The following CCR6 variants were observed in gnomAD, a reference collection of about 807,000 sequenced individuals.
CCR6 encodes C-C chemokine receptor type 6.
In CCR6, 2 loss-of-function variants were observed where a neutral mutation model predicts 3.0. That is an observed-to-expected ratio of 0.66 (90% CI 0.27 to 2.07). The LOEUF (loss-of-function observed/expected upper bound fraction) is 2.07, where lower values mean the gene tolerates loss of function less well. Ranked by LOEUF, CCR6 falls within the 30% of genes most tolerant of loss-of-function variation. The probability of loss-of-function intolerance (pLI) is 0.14; values close to 1 mark genes in which losing one functional copy is unlikely to be tolerated. For missense variants in CCR6, 322 were observed against 462.8 expected, an observed-to-expected ratio of 0.70 and a Z score of 2.79; for synonymous variants, 193 against 184.3, an observed-to-expected ratio of 1.05 and a Z score of -0.38.
chr6:167,129,519 G>C (rs1337310685), intron 1 of CCR6: 3 of 152,004 alleles, frequency 2.0e-5, no homozygotes, highest in Non-Finnish European at 4.4e-5. Flanking sequence ...CCTTACACCA[G>C]CTCTATGCTC....
At chr6:167,125,033 A>G (rs1781649746) in intron 1 of CCR6, among the ~76,000 whole-genome samples, 1 of 152,070 alleles carries the variant, frequency 6.6e-6, no homozygotes, top group South Asian at 2.1e-4. Flanking sequence ...CATACATGAT[A>G]TAAACAGGTG....
chr6:167,130,129 A>G (rs915769753), intron 1 of CCR6, among the ~76,000 whole-genome samples: 2 of 151,782 alleles, frequency 1.3e-5, no homozygotes, highest in Non-Finnish European at 2.9e-5. Flanking sequence ...TAATGACATC[A>G]AAGTGAGATC....
rs1781871459 is a variant in CCR6, at chr6:167,137,727, T to C, written c.*372T>C. ...GTCTTTTGGTTACAGCACAAAATGA[T>C]GGCAGTGGTTTGAAAAACTAAAACA... On this transcript the variant is annotated 3_prime_UTR_variant, in exon 3 of 3. Transcript: ENST00000341935. The surrounding 1 kb of genome is among the most constrained non-coding windows in gnomAD (Gnocchi z 4.6). The C allele has an allele frequency of 6.0e-6, 1 of 167,084 alleles. No individual in the cohort carries two copies. Among genetic ancestry groups the C allele is most frequent in the Non-Finnish European group, 1.3e-5 (1 of 76,734 alleles). 10.4% of individuals were successfully genotyped at this position (167,084 alleles called of 1,614,324 possible). A position where few individuals can be genotyped will look rare whatever the true frequency, so the allele number is the denominator to read the frequency against.
chr6:167,129,145 C>T (rs574684414), intron 1 of CCR6, among the ~76,000 whole-genome samples: 153 of 152,334 alleles, frequency 1.0e-3, no homozygotes, highest in Non-Finnish European at 1.9e-3. Context: ...AGCCTGCCAG[C>T]AAAGTGGTGT....
chr6:167,133,930 G>T, intron 1 of CCR6, among the ~76,000 whole-genome samples: 1 of 29,048 alleles, frequency 3.4e-5, no homozygotes, highest in East Asian at 1.4e-3. Flanking sequence ...TGATATATGT[G>T]TGTATATATA....
intron 1 of CCR6, among the ~76,000 whole-genome samples, chr6:167,112,613 G>A (rs1781432444): frequency 6.6e-6 from 1 of 152,166 alleles, no homozygotes; most frequent in African/African-American, 2.4e-5. Flanking sequence ...CAGAATGGGG[G>A]GTGCTGGTGG....
At chr6:167,114,651 T>C (rs1781466805) in intron 1 of CCR6, among the ~76,000 whole-genome samples, 1 of 152,250 alleles carries the variant, frequency 6.6e-6, no homozygotes, top group Non-Finnish European at 1.5e-5. Flanking sequence ...CTGTGACGGC[T>C]GCTGTAACCA....
intron 1 of CCR6, among the ~76,000 whole-genome samples, chr6:167,117,574 G>A (rs1017524056): frequency 2.0e-5 from 3 of 151,516 alleles, no homozygotes; most frequent in Admixed American, 6.6e-5. Flanking sequence ...GCGCCACCAC[G>A]CCCGGCTAAT....
chr6:167,117,420 T>C (rs1430452229), intron 1 of CCR6, among the ~76,000 whole-genome samples: 9 of 140,626 alleles, frequency 6.4e-5, no homozygotes, highest in African/African-American at 7.9e-5. Flanking sequence ...TTTTTCTTTT[T>C]TTTTTTTTTT....
chr6:167,117,589 G>A (rs897246852), intron 1 of CCR6, among the ~76,000 whole-genome samples: 3 of 151,038 alleles, frequency 2.0e-5, no homozygotes, highest in South Asian at 2.1e-4. Flanking sequence ...GCTAATTTTT[G>A]TATTTTTAGT....
chr6:167,120,079 C>G (rs1446639960), upstream of CCR6, among the ~76,000 whole-genome samples: 1 of 152,162 alleles, frequency 6.6e-6, no homozygotes, highest in Non-Finnish European at 1.5e-5. Flanking sequence ...TATCTACCAC[C>G]TTGAGTCATG....
chr6:167,120,067 G>A (rs1781562936), upstream of CCR6, among the ~76,000 whole-genome samples: 2 of 152,192 alleles, frequency 1.3e-5, no homozygotes, highest in South Asian at 4.1e-4. Flanking sequence ...AACTGCCCCA[G>A]TTATCTACCA....
In CCR6 at chr6:167,114,211, C is replaced by A. The variant is rs140336092; in HGVS notation, c.-98+2197C>A. 2.0e-3 allele frequency among the ~76,000 whole-genome samples: 303 copies of A among 152,350 alleles called. 1 individual carries two copies. The highest frequency in any genetic ancestry group is 7.1e-3 in the African/African-American group (294 of 41,580). Reference sequence around the variant, plus strand: ...CACCTTCCCTTGATCGGGCTTATGTCATGAGGACGTCATCCTCCCTGTGCT... The same window carrying A: ...CACCTTCCCTTGATCGGGCTTATGTAATGAGGACGTCATCCTCCCTGTGCT... On this transcript the variant is annotated intron_variant, in intron 1 of 2. Transcript: ENST00000400926.
upstream of CCR6, among the ~76,000 whole-genome samples, chr6:167,122,225 G>A (rs1781600279): frequency 6.6e-6 from 1 of 152,198 alleles, no homozygotes; most frequent in African/African-American, 2.4e-5. The surrounding 1 kb of genome is among the most constrained non-coding windows in gnomAD (Gnocchi z 4.2). Context: ...CAGGCTGGCT[G>A]AGAATTGATC....
chr6:167,130,910 G>A (rs11575079), intron 1 of CCR6, among the ~76,000 whole-genome samples: 1 of 147,590 alleles, frequency 6.8e-6, no homozygotes, highest in Non-Finnish European at 1.5e-5. Context: ...TTCCCTCTGG[G>A]CCTCCTTCTC....
At chr6:167,123,442 T>A (rs41450452) in intron 1 of CCR6, among the ~76,000 whole-genome samples, 3,143 of 152,308 alleles carry the variant, frequency 0.021, 95 homozygotes, top group African/African-American at 0.071. Flanking sequence ...AGGGATTTCA[T>A]ACTCGCTCCC....
rs201769708 is a variant in CCR6, at chr6:167,136,129, C to T, written c.-6C>T. 75 of 1,613,200 alleles carry T rather than the reference C, an allele frequency of 4.6e-5. No homozygotes were observed. Among genetic ancestry groups the T allele is most frequent in the Non-Finnish European group, 1.7e-6 (2 of 1,179,836 alleles). ...CTACAACCAGCTTGCATTTTTTCTG[C>T]CCACAATGAGCGGGGTAAGATTTTT... On this transcript the variant is annotated 5_prime_UTR_variant, in exon 2 of 3. Coordinates refer to ENST00000341935, the MANE Select transcript of CCR6 (RefSeq NM_031409.4). This position sits in a 1 kb window ranked among gnomAD's most constrained non-coding sequence, Gnocchi z 4.6.
intron 1 of CCR6, among the ~76,000 whole-genome samples, chr6:167,135,234 C>T (rs2114938048): frequency 6.6e-6 from 1 of 152,364 alleles, no homozygotes; most frequent in East Asian, 1.9e-4. Flanking sequence ...ATAGCCTCAC[C>T]ATTCTCCAAG....
At position 167,136,462 on chromosome 6, in the gene CCR6, A is replaced by C. The variant is rs781647307; in HGVS notation, c.232A>C (p.Arg78=). The change falls in exon 3 of 3, where the codon AGG becomes CGG. Residue 78 remains arginine, a synonymous_variant. Coordinates refer to ENST00000341935, the MANE Select transcript of CCR6 (RefSeq NM_031409.4). The surrounding 1 kb of genome is among the most constrained non-coding windows in gnomAD (Gnocchi z 4.6). ...CACCTTTGCTTTTTATAAGAAGGCC[A>C]GGTCTATGACAGACGTCTATCTCTT... ...VITFAFYKKA[R]SMTDVYLLNM... The C allele has an allele frequency of 2.5e-6, 4 of 1,607,112 alleles. No individual in the cohort carries two copies. The highest frequency in any genetic ancestry group is 2.5e-6 in the Non-Finnish European group (3 of 1,176,840).
Sources: gnomAD v4.1 joint callset for allele counts (sites outside exome capture counted in the v4.1 genomes callset) on GRCh38, gnomAD v4.1.1 for gene constraint, Gnocchi (gnomAD v3.1) non-coding constraint, MANE v1.5 for transcripts, NCBI Gene and HGNC (gene_info 2026-07-23, HGNC 2026-07-21) for gene names.